The following RORA variants were observed in gnomAD, a reference collection of about 807,000 sequenced individuals.
RORA encodes nuclear receptor ROR-alpha.
In RORA, 7 loss-of-function variants were observed where a neutral mutation model predicts 69.5. The ratio of observed to expected loss-of-function variants is 0.10; its 90% CI spans 0.06 to 0.19. RORA has a LOEUF of 0.19. RORA is among the 10% of genes least tolerant of loss of function. The probability of loss-of-function intolerance (pLI) is 1.00; values close to 1 mark genes in which losing one functional copy is unlikely to be tolerated. For synonymous variants in RORA, 261 were observed against 240.8 expected, an observed-to-expected ratio of 1.08 and a Z score of -0.78; for missense variants, 457 against 663.0, an observed-to-expected ratio of 0.69 and a Z score of 3.41.
At chr15:61,086,010 A>C (rs1441777559) in intron 1 of RORA, among the ~76,000 whole-genome samples, 1 of 152,224 alleles carries the variant, frequency 6.6e-6, no homozygotes, top group Admixed American at 6.5e-5. Context: ...AGTCACCTGG[A>C]ACAGTGCAAT....
chr15:60,891,726 C>G (rs1203119936), intron 1 of RORA, among the ~76,000 whole-genome samples: 3 of 152,208 alleles, frequency 2.0e-5, no homozygotes, highest in African/African-American at 7.2e-5. Flanking sequence ...GACTCCTTTA[C>G]TCCACCAAAT....
At chr15:61,036,553 G>A (rs1896467200) in intron 1 of RORA, among the ~76,000 whole-genome samples, 1 of 152,104 alleles carries the variant, frequency 6.6e-6, no homozygotes, top group Non-Finnish European at 1.5e-5. Flanking sequence ...CTTAATTGGA[G>A]CAGGTCTGCG....
chr15:60,621,123 C>G (rs1402577838), intron 2 of RORA, among the ~76,000 whole-genome samples: 1 of 152,298 alleles, frequency 6.6e-6, no homozygotes, highest in Admixed American at 6.5e-5. Context: ...TACACAATGT[C>G]TTCCTTGCCC....
At chr15:61,195,126 C>T (rs759271966) in intron 1 of RORA, among the ~76,000 whole-genome samples, 1 of 151,968 alleles carries the variant, frequency 6.6e-6, no homozygotes, top group African/African-American at 2.4e-5. Flanking sequence ...AAAATAGCCC[C>T]GGTCTTTTTA....
chr15:60,916,893 T>A (rs1891888819), intron 1 of RORA, among the ~76,000 whole-genome samples: 2 of 152,256 alleles, frequency 1.3e-5, no homozygotes, highest in Admixed American at 6.5e-5. Flanking sequence ...CATTGCTTAT[T>A]GCAACTAGAA....
chr15:60,532,294 A>G (rs192058333), intron 2 of RORA, among the ~76,000 whole-genome samples: 259 of 150,700 alleles, frequency 1.7e-3, no homozygotes, highest in African/African-American at 5.9e-3. Flanking sequence ...TCTAGTTAGG[A>G]AAATGATTCA....
intron 1 of RORA, among the ~76,000 whole-genome samples, chr15:61,024,396 A>T (rs912067110): frequency 8.3e-5 from 12 of 144,498 alleles, no homozygotes. Flanking sequence ...TGATCCTCTC[A>T]CCTCAGTCTC....
chr15:60,568,830 A>C (rs1335796656), intron 2 of RORA, among the ~76,000 whole-genome samples: 1 of 152,064 alleles, frequency 6.6e-6, no homozygotes, highest in Non-Finnish European at 1.5e-5. Context: ...AAAAAAGATT[A>C]GTTGCTTTGC....
chr15:60,505,473 C>T (rs201202234), intron 6 of RORA, 35 bp downstream of exon 6: 2 of 1,610,994 alleles, frequency 1.2e-6, no homozygotes, highest in East Asian at 2.2e-5. Context: ...CCAATATTGC[C>T]TCAATCCTAG....
intron 2 of RORA, among the ~76,000 whole-genome samples, chr15:60,612,653 C>G (rs1412908951): frequency 6.5e-5 from 9 of 138,758 alleles, no homozygotes; most frequent in African/African-American, 2.3e-4. Context: ...CTCTCTCTCT[C>G]TCTCTCTGTT....
intron 1 of RORA, among the ~76,000 whole-genome samples, chr15:61,208,688 A>T (rs2079963720): frequency 1.3e-5 from 2 of 152,170 alleles, no homozygotes; most frequent in Admixed American, 6.5e-5. Flanking sequence ...CTCTGTACTA[A>T]GGAGAAGGTG....
intron 2 of RORA, among the ~76,000 whole-genome samples, chr15:60,586,455 G>GGTGTGTGTGTGTGTGTGT (rs146340386): frequency 9.3e-5 from 14 of 150,288 alleles, no homozygotes; most frequent in African/African-American, 3.4e-4. Context: ...GTATTAGAGG[G>GGTGTGTGTGTGTGTGTGT]GTGTGTGTGT....
At chr15:60,596,745 C>T (rs1276592965) in intron 2 of RORA, among the ~76,000 whole-genome samples, 2 of 152,156 alleles carry the variant, frequency 1.3e-5, no homozygotes, top group Non-Finnish European at 2.9e-5. Flanking sequence ...TGTGGTTTAT[C>T]TGCCTTATTC....
intron 1 of RORA, among the ~76,000 whole-genome samples, chr15:60,930,378 G>A (rs1202506536): frequency 6.6e-6 from 1 of 152,184 alleles, no homozygotes; most frequent in Non-Finnish European, 1.5e-5. Flanking sequence ...CCGAGAGACA[G>A]AAAGATCCAA....
intron 1 of RORA, among the ~76,000 whole-genome samples, chr15:60,807,135 G>A (rs2072670457): frequency 2.6e-5 from 4 of 152,134 alleles, no homozygotes; most frequent in Admixed American, 2.6e-4. Flanking sequence ...GCTGTTTGCT[G>A]ATGATATGAT....
At chr15:60,563,466 A>G (rs2067633937) in intron 2 of RORA, among the ~76,000 whole-genome samples, 1 of 152,254 alleles carries the variant, frequency 6.6e-6, no homozygotes, top group Non-Finnish European at 1.5e-5. Flanking sequence ...AACCTTCATG[A>G]GATTTTACCC....
intron 2 of RORA, among the ~76,000 whole-genome samples, chr15:60,560,199 T>C (rs1380915084): frequency 6.6e-6 from 1 of 152,240 alleles, no homozygotes; most frequent in African/African-American, 2.4e-5. Context: ...AATTCTCACA[T>C]AGCCACAAAA....
intron 1 of RORA, among the ~76,000 whole-genome samples, chr15:61,049,500 T>C (rs1897200038): frequency 6.6e-6 from 1 of 152,144 alleles, no homozygotes; most frequent in Non-Finnish European, 1.5e-5. Flanking sequence ...TGGACTTTTG[T>C]GAGTCAACAT....
At chr15:60,784,120 G>A (rs2072302946) in intron 1 of RORA, among the ~76,000 whole-genome samples, 1 of 152,140 alleles carries the variant, frequency 6.6e-6, no homozygotes. Context: ...TTTCCACGAA[G>A]CTAAATATAT....
Sources: gnomAD v4.1 joint callset for allele counts (sites outside exome capture counted in the v4.1 genomes callset) on GRCh38, gnomAD v4.1.1 for gene constraint, MANE v1.5 for transcripts, NCBI Gene and HGNC (gene_info 2026-07-23, HGNC 2026-07-21) for gene names.